Variants in PHLDB2 observed in about 807,000 individuals in gnomAD.
The protein encoded by PHLDB2 is pleckstrin homology like domain family B member 2, also known as pleckstrin homology-like domain family B member 2.
PHLDB2 carries 71 observed loss-of-function variants against 123.6 expected under a neutral mutation model. The ratio of observed to expected loss-of-function variants is 0.57; its 90% confidence interval spans 0.47 to 0.70. The LOEUF is 0.70. Among genes scored for constraint, PHLDB2 ranks in the 30% least tolerant of loss-of-function variants. The pLI, the probability that PHLDB2 is intolerant of heterozygous loss-of-function variation, is 0.00. For missense variants in PHLDB2, 1,446 were observed against 1,519.5 expected, an observed-to-expected ratio of 0.95 and a Z score of 0.80; for synonymous variants, 547 against 541.6, an observed-to-expected ratio of 1.01 and a Z score of -0.14.
intron 1 of PHLDB2, among the ~76,000 whole-genome samples, chr3:111,860,358 C>T (rs986619777): frequency 3.9e-5 from 6 of 152,190 alleles, no homozygotes; most frequent in Admixed American, 6.5e-5. Flanking sequence ...GCCTTTGACC[C>T]CCCACTGAAA....
intron 10 of PHLDB2, among the ~76,000 whole-genome samples, chr3:111,951,421 G>A (rs2070711546): frequency 6.6e-6 from 1 of 152,172 alleles, no homozygotes; most frequent in South Asian, 2.1e-4. Flanking sequence ...AGTATAAACA[G>A]TTAATTATAA....
intron 1 of PHLDB2, among the ~76,000 whole-genome samples, chr3:111,764,209 G>A (rs78838783): frequency 0.014 from 2,162 of 152,248 alleles, 38 homozygotes; most frequent in South Asian, 0.037. Context: ...GTAATGTTTG[G>A]GAAGTTCTCA....
At chr3:111,958,198 C>G (rs1418104947) in intron 12 of PHLDB2, 6 of 894,652 alleles carry the variant, frequency 6.7e-6, no homozygotes, top group Non-Finnish European at 8.0e-6. Flanking sequence ...GTATCTTTTT[C>G]CCTTTCTACA....
chr3:111,867,180 T>C (rs2065130272), intron 1 of PHLDB2, among the ~76,000 whole-genome samples: 1 of 152,116 alleles, frequency 6.6e-6, no homozygotes, highest in South Asian at 2.1e-4. Context: ...AAAATACATG[T>C]ATCAGCTTTT....
intron 1 of PHLDB2, among the ~76,000 whole-genome samples, chr3:111,745,726 C>A (rs528055228): frequency 5.6e-4 from 85 of 152,004 alleles, no homozygotes; most frequent in Middle Eastern, 3.4e-3. Context: ...CACACCACTG[C>A]CCTCCGGCCT....
At chr3:111,944,409 G>A (rs1050164789) in intron 8 of PHLDB2, among the ~76,000 whole-genome samples, 1 of 151,770 alleles carries the variant, frequency 6.6e-6, no homozygotes, top group Non-Finnish European at 1.5e-5. Context: ...CCCAGCCATG[G>A]CAAGGACACA....
chr3:111,854,322 C>G (rs1192340035), upstream of PHLDB2, among the ~76,000 whole-genome samples: 2 of 152,130 alleles, frequency 1.3e-5, no homozygotes, highest in Non-Finnish European at 2.9e-5. Context: ...GACACAGAGC[C>G]AAACCATATT....
At chr3:111,896,526 T>C (rs2066879902) in intron 2 of PHLDB2, among the ~76,000 whole-genome samples, 1 of 152,120 alleles carries the variant, frequency 6.6e-6, no homozygotes, top group Non-Finnish European at 1.5e-5. Context: ...TTTGTATTTT[T>C]AGTAGAGACG....
chr3:111,783,814 T>C (rs1208081537), intron 1 of PHLDB2, among the ~76,000 whole-genome samples: 1 of 152,134 alleles, frequency 6.6e-6, no homozygotes, highest in Non-Finnish European at 1.5e-5. Flanking sequence ...GATCAAGTTA[T>C]GCCAAACTTG....
chr3:111,786,326 C>A (rs2060679982), intron 1 of PHLDB2, among the ~76,000 whole-genome samples: 1 of 152,148 alleles, frequency 6.6e-6, no homozygotes, highest in Admixed American at 6.6e-5. Context: ...AAATATTTTT[C>A]ATTCATGGTT....
intron 2 of PHLDB2, among the ~76,000 whole-genome samples, chr3:111,909,985 G>A (rs1037531011): frequency 3.3e-5 from 5 of 152,110 alleles, no homozygotes; most frequent in African/African-American, 7.2e-5. Context: ...ACACTGGTTG[G>A]TGTTAGTTAC....
chr3:111,851,316 C>T (rs1359890483), intron 2 of PHLDB2, among the ~76,000 whole-genome samples: 1 of 152,178 alleles, frequency 6.6e-6, no homozygotes, highest in East Asian at 1.9e-4. Flanking sequence ...GCTCTGAGCC[C>T]CTGCAGACAC....
chr3:111,842,516 C>G (rs1478922784), intron 1 of PHLDB2, among the ~76,000 whole-genome samples: 1 of 152,168 alleles, frequency 6.6e-6, no homozygotes, highest in African/African-American at 2.4e-5. Flanking sequence ...ATATAATAAC[C>G]TGTATCCACT....
chr3:111,864,328 G>A (rs2064968747), intron 1 of PHLDB2, among the ~76,000 whole-genome samples: 1 of 152,146 alleles, frequency 6.6e-6, no homozygotes, highest in African/African-American at 2.4e-5. Context: ...TATTTATTGG[G>A]ATTTGATTAA....
intron 1 of PHLDB2, among the ~76,000 whole-genome samples, chr3:111,871,006 C>G (rs534953216): frequency 6.6e-6 from 1 of 152,236 alleles, no homozygotes; most frequent in Admixed American, 6.5e-5. Context: ...GACCCAAACC[C>G]TAATTTTTTT....
chr3:111,745,991 C>G (rs1462431773), intron 1 of PHLDB2, among the ~76,000 whole-genome samples: 1 of 152,096 alleles, frequency 6.6e-6, no homozygotes, highest in Non-Finnish European at 1.5e-5. Flanking sequence ...AGAGTGCTTA[C>G]CCCACATGGT....
chr3:111,861,635 C>G (rs944134550), intron 1 of PHLDB2, among the ~76,000 whole-genome samples: 2 of 152,134 alleles, frequency 1.3e-5, no homozygotes, highest in African/African-American at 4.8e-5. Context: ...ACGAGTGTCG[C>G]CTGGATCCCT....
rs147275250 is a variant in PHLDB2 at position 111,953,104 on chromosome 3, T to G, written c.2772+392T>G. Among the ~76,000 whole-genome samples the G allele has an allele frequency of 4.5e-3, 682 of 152,332 alleles. 5 individuals carry two copies. Among genetic ancestry groups the G allele is most frequent in the African/African-American group, 0.016 (652 of 41,566 alleles). On this transcript the variant is annotated intron_variant, in intron 11 of 17. Transcript: ENST00000431670. ...GCTGGGTTGAGCCTTTTATGTGGATTGCTTCATTTGAAAATCCAGCAGCAC... is the reference window on the plus strand; with the variant it reads ...GCTGGGTTGAGCCTTTTATGTGGATGGCTTCATTTGAAAATCCAGCAGCAC...
intron 1 of PHLDB2, among the ~76,000 whole-genome samples, chr3:111,766,639 G>C (rs1057043811): frequency 6.6e-6 from 1 of 151,964 alleles, no homozygotes; most frequent in Non-Finnish European, 1.5e-5. Flanking sequence ...TACAACATGG[G>C]ATAAATTAAG....
Sources: gnomAD v4.1 joint callset for allele counts (sites outside exome capture counted in the v4.1 genomes callset) on GRCh38, gnomAD v4.1.1 for gene constraint, MANE v1.5 for transcripts, NCBI Gene and HGNC (gene_info 2026-07-23, HGNC 2026-07-21) for gene names.